BTBD16: variants seen among roughly 807,000 people sequenced by gnomAD.
BTBD16 encodes the protein BTB domain containing 16.
Under a neutral mutation model 67.4 loss-of-function variants are expected in BTBD16, and 66 were observed. The observed-to-expected ratio is 0.98, with a 90% CI of 0.80 to 1.20. BTBD16 has a LOEUF of 1.20. BTBD16 is among the 50% of genes most tolerant of loss of function. The pLI is 0.00. For missense variants in BTBD16, 634 were observed against 616.0 expected, an observed-to-expected ratio of 1.03 and a Z score of -0.31; for synonymous variants, 242 against 236.4, an observed-to-expected ratio of 1.02 and a Z score of -0.22.
intron 8 of BTBD16, 135 bp from the exon 9 acceptor site, chr10:122,298,869 A>T: frequency 9.0e-7 from 1 of 1,105,512 alleles, no homozygotes; most frequent in Non-Finnish European, 1.3e-6. Context: ...GCTGTAATTC[A>T]TGTATTTTGT....
At chr10:122,313,484 C>T (rs934704349) in intron 10 of BTBD16, among the ~76,000 whole-genome samples, 3 of 151,072 alleles carry the variant, frequency 2.0e-5, no homozygotes, top group Admixed American at 6.6e-5. Context: ...AGGCTGGTCT[C>T]GAACTCCTGA....
At chr10:122,313,708 G>T (rs1590081623) in intron 10 of BTBD16, among the ~76,000 whole-genome samples, 1 of 151,884 alleles carries the variant, frequency 6.6e-6, no homozygotes, top group South Asian at 2.1e-4. Flanking sequence ...TGTGAGGGAG[G>T]GACCATGGTC....
intron 1 of BTBD16, among the ~76,000 whole-genome samples, chr10:122,272,243 C>G (rs770884774): frequency 6.6e-6 from 1 of 152,216 alleles, no homozygotes; most frequent in African/African-American, 2.4e-5. Flanking sequence ...CAAAGATGCT[C>G]TTAACACACA....
intron 9 of BTBD16, chr10:122,303,508 CTTTTGTTTTG>C (rs542751108): frequency 2.6e-5 from 4 of 155,354 alleles, no homozygotes; most frequent in South Asian, 2.1e-4. Flanking sequence ...TCCTAATGGC[CTTTTGTTTTG>C]TTTTGTTTTG....
chr10:122,332,830 G>T (rs2096457351), intron 13 of BTBD16: 1 of 985,286 alleles, frequency 1.0e-6, no homozygotes, highest in Non-Finnish European at 1.2e-6. Flanking sequence ...AAACTGGGAA[G>T]GGTTGGTCTT....
At chr10:122,273,496 T>C (rs898987837) in intron 1 of BTBD16, among the ~76,000 whole-genome samples, 1 of 152,142 alleles carries the variant, frequency 6.6e-6, no homozygotes, top group East Asian at 1.9e-4. Flanking sequence ...TCCTGGCACT[T>C]TGGGAGGCCA....
chr10:122,277,603 G>T (rs2096343611), intron 3 of BTBD16, among the ~76,000 whole-genome samples: 2 of 152,154 alleles, frequency 1.3e-5, no homozygotes, highest in South Asian at 4.2e-4. Context: ...AGGCAAAGAG[G>T]AGCCGAGTGT....
intron 12 of BTBD16, among the ~76,000 whole-genome samples, chr10:122,331,567 T>G (rs2096455198): frequency 6.6e-6 from 1 of 152,210 alleles, no homozygotes; most frequent in Admixed American, 6.5e-5. Context: ...CTGTGCACCC[T>G]CAGCAACATA....
intron 10 of BTBD16, among the ~76,000 whole-genome samples, chr10:122,324,067 C>A (rs868566565): frequency 2.0e-5 from 3 of 152,340 alleles, no homozygotes; most frequent in African/African-American, 7.2e-5. Context: ...ATCCCAACTT[C>A]TAGATTCCCC....
rs1256576174 is a variant in BTBD16, at chr10:122,299,162, C to T, written c.791+28C>T. 3.1e-6 allele frequency: 5 copies of T among 1,610,284 alleles called. No individual in the cohort carries two copies. The South Asian group carries it at 5.5e-5, about 18-fold the overall frequency. The stretch of plus-strand genomic sequence containing the variant: ...CAGAGCTGGCTCCCAGGGTGCGGCC[C>T]CTGAGAGGGGGATGGGAGAAAGTAG... On this transcript the variant is annotated intron_variant, in intron 9 of 15. Transcript: ENST00000260723.
intron 9 of BTBD16, among the ~76,000 whole-genome samples, chr10:122,299,785 C>T (rs952975799): frequency 7.2e-5 from 11 of 152,170 alleles, no homozygotes; most frequent in African/African-American, 7.2e-5. Flanking sequence ...AGCCCAAGAT[C>T]GGAGGTCCAA....
In BTBD16 at chr10:122,304,582, T is replaced by G. The variant is rs531422831; in HGVS notation, c.792-2607T>G. 3.9e-5 allele frequency among the ~76,000 whole-genome samples: 5 copies of G among 129,830 alleles called. No homozygotes were observed. In the East Asian group the frequency reaches 1.2e-3, roughly 30 times the overall value. 85.2% of individuals were successfully genotyped at this position (129,830 alleles called of 152,430 possible). ...TTTTTTTTTTTTTTTTGAGACAGAG[T>G]CTCCCTATGTCGCCCAGGCTGGAGT... On this transcript the variant is annotated intron_variant, in intron 9 of 15. Transcript: ENST00000260723.
At chr10:122,272,467 A>G (rs140202074) in intron 1 of BTBD16, among the ~76,000 whole-genome samples, 240 of 152,242 alleles carry the variant, frequency 1.6e-3, no homozygotes, top group African/African-American at 5.4e-3. Context: ...TCAGCCTCCC[A>G]AGTAGCTGGG....
intron 3 of BTBD16, among the ~76,000 whole-genome samples, chr10:122,280,432 C>G (rs1396357259): frequency 6.6e-6 from 1 of 152,064 alleles, no homozygotes; most frequent in South Asian, 2.1e-4. Context: ...CCAGAGCCCT[C>G]CTTGTCCCCA....
At chr10:122,289,794 A>G in intron 5 of BTBD16, 115 bp from the exon 6 acceptor site, 1 of 611,746 alleles carries the variant, frequency 1.6e-6, no homozygotes, top group Middle Eastern at 2.6e-4. Flanking sequence ...CAAATAAAAT[A>G]TAGTGTGATA....
chr10:122,296,864 T>C (rs1423951928), intron 7 of BTBD16, among the ~76,000 whole-genome samples: 1 of 152,196 alleles, frequency 6.6e-6, no homozygotes, highest in Non-Finnish European at 1.5e-5. Context: ...TGTGGAGCAG[T>C]GTTAAACAAC....
chr10:122,271,965 G>T (rs2142035379), intron 1 of BTBD16, among the ~76,000 whole-genome samples: 1 of 152,262 alleles, frequency 6.6e-6, no homozygotes, highest in Admixed American at 6.5e-5. Context: ...GACCAGGTCT[G>T]CTTTAGAATG....
intron 9 of BTBD16, among the ~76,000 whole-genome samples, chr10:122,301,192 A>G (rs2096393202): frequency 6.6e-6 from 1 of 152,088 alleles, no homozygotes; most frequent in Admixed American, 6.5e-5. Flanking sequence ...CATCCCTTAG[A>G]CTTTTCATAA....
intron 9 of BTBD16, among the ~76,000 whole-genome samples, chr10:122,303,832 A>G (rs916952423): frequency 1.3e-5 from 2 of 152,180 alleles, no homozygotes; most frequent in African/African-American, 2.4e-5. Flanking sequence ...TCTTAGGTAA[A>G]TGAAAAGGTG....
Sources: gnomAD v4.1 joint callset for allele counts (sites outside exome capture counted in the v4.1 genomes callset) on GRCh38, gnomAD v4.1.1 for gene constraint, MANE v1.5 for transcripts, NCBI Gene and HGNC (gene_info 2026-07-23, HGNC 2026-07-21) for gene names.